The following DNAJC15 variants were observed in gnomAD, a reference collection of about 807,000 sequenced individuals.
DNAJC15 encodes the protein dnaJ homolog subfamily C member 15.
DNAJC15 carries 27 observed loss-of-function variants against 22.4 expected under a neutral mutation model. The ratio of observed to expected loss-of-function variants is 1.20; its 90% CI spans 0.89 to 1.66. The LOEUF (loss-of-function observed/expected upper bound fraction) is 1.66. Ranked by LOEUF, DNAJC15 falls within the 40% of genes most tolerant of loss-of-function variation. The pLI is 0.00. For synonymous variants in DNAJC15, 79 were observed against 63.2 expected (o/e 1.25, Z -1.19); for missense variants, 208 against 187.1 (o/e 1.11, Z -0.65).
intron 5 of DNAJC15, among the ~76,000 whole-genome samples, chr13:43,087,347 A>T (rs2040693523): frequency 6.6e-6 from 1 of 152,200 alleles, no homozygotes; most frequent in Non-Finnish European, 1.5e-5. Flanking sequence ...CTCTAGTAAA[A>T]GTGTAGTGAT....
chr13:43,075,715 T>C (rs999242407), intron 3 of DNAJC15, among the ~76,000 whole-genome samples: 1 of 152,114 alleles, frequency 6.6e-6, no homozygotes, highest in Non-Finnish European at 1.5e-5. Context: ...CAGGCTGGAG[T>C]GCAGCTGTGC....
Position 43,109,995 on chromosome 13 carries a change from TTAA to T in DNAJC15, c.*2753_*2755del, listed in dbSNP as rs1284860843. On this transcript the variant is annotated 3_prime_UTR_variant, in exon 6 of 6. Coordinates refer to ENST00000379221, the MANE Select transcript of DNAJC15 (RefSeq NM_013238.3). ...CTGCCTCATTTAATTAGTTTTATCT[TTAA>T]TAATACCTTGGATTCAGGGTAAAGT... 6.6e-6 allele frequency: 1 copy of T among 152,234 alleles called. No individual in the cohort carries two copies. Among genetic ancestry groups the T allele is most frequent in the Non-Finnish European group, 1.5e-5 (1 of 68,046 alleles). 9.4% of individuals were successfully genotyped at this position (152,234 alleles called of 1,614,324 possible).
chr13:43,082,810 C>T (rs916082241), intron 4 of DNAJC15, among the ~76,000 whole-genome samples: 5 of 150,764 alleles, frequency 3.3e-5, no homozygotes, highest in African/African-American at 7.3e-5. Context: ...CATATATCTT[C>T]TAAAAAAATA....
At chr13:43,071,766 G>T (rs943245890) in intron 3 of DNAJC15, among the ~76,000 whole-genome samples, 1 of 152,116 alleles carries the variant, frequency 6.6e-6, no homozygotes, top group South Asian at 2.1e-4. Flanking sequence ...TCAACGGGGG[G>T]TCTCTTTTCC....
intron 3 of DNAJC15, among the ~76,000 whole-genome samples, chr13:43,070,431 C>T (rs1012316370): frequency 7.3e-5 from 11 of 150,796 alleles, no homozygotes; most frequent in African/African-American, 2.7e-4. Flanking sequence ...TAGGAGCTTA[C>T]ATGTTAGTGG....
intron 5 of DNAJC15, among the ~76,000 whole-genome samples, chr13:43,099,108 C>T (rs1028944031): frequency 6.6e-6 from 1 of 151,878 alleles, no homozygotes; most frequent in Non-Finnish European, 1.5e-5. Context: ...GAGTTTTGGA[C>T]TTCTTTTGTT....
chr13:43,040,814 G>A (rs1382821143), intron 1 of DNAJC15, among the ~76,000 whole-genome samples: 1 of 152,158 alleles, frequency 6.6e-6, no homozygotes, highest in Non-Finnish European at 1.5e-5. Context: ...AAAGGTCTCT[G>A]CATCATAGAC....
chr13:43,101,591 CAAA>C (rs1432908931), intron 5 of DNAJC15, among the ~76,000 whole-genome samples: 3 of 152,226 alleles, frequency 2.0e-5, no homozygotes, highest in Admixed American at 2.0e-4. Flanking sequence ...CCTAAGTCTC[CAAA>C]GTCCATTATA....
intron 1 of DNAJC15, among the ~76,000 whole-genome samples, chr13:43,050,100 A>G (rs2040495869): frequency 6.6e-6 from 1 of 151,954 alleles, no homozygotes; most frequent in Non-Finnish European, 1.5e-5. Flanking sequence ...TTGTATTTTT[A>G]GTAGAGACGG....
In DNAJC15 at chr13:43,068,937, C is replaced by T. The variant is rs148028737; in HGVS notation, c.168C>T (p.Tyr56=). The T allele has an allele frequency of 3.0e-4, 491 of 1,612,264 alleles. No homozygotes were observed. Among genetic ancestry groups the T allele is most frequent in the Middle Eastern group, 5.0e-4 (3 of 6,052 alleles). ...GVAALAFAGR[Y]AFRIWKPLEQ... The stretch of plus-strand genomic sequence containing the variant: ...ATTCCCTTTACTATTTAGGTCGCTA[C>T]GCATTTCGGATCTGGAAACCTCTAG... The change falls in exon 3 of 6, where the codon TAC becomes TAT. Residue 56 remains tyrosine (Y), a synonymous_variant. Coordinates refer to ENST00000379221, the MANE Select transcript of DNAJC15 (RefSeq NM_013238.3).
chr13:43,092,428 T>C (rs1393168134), intron 5 of DNAJC15, among the ~76,000 whole-genome samples: 1 of 152,046 alleles, frequency 6.6e-6, no homozygotes, highest in Admixed American at 6.5e-5. Flanking sequence ...TTTTAGACTT[T>C]TAATGTAACT....
intron 5 of DNAJC15, among the ~76,000 whole-genome samples, chr13:43,095,585 TAGG>T (rs2040735903): frequency 6.6e-6 from 1 of 151,474 alleles, no homozygotes. Flanking sequence ...GGATAAGAAA[TAGG>T]AGGAAAAAAC....
At chr13:43,062,593 A>G (rs2040564096) in intron 1 of DNAJC15, among the ~76,000 whole-genome samples, 1 of 152,252 alleles carries the variant, frequency 6.6e-6, no homozygotes, top group Admixed American at 6.5e-5. Context: ...TTTCTTATAT[A>G]CAAAACTTGA....
intron 2 of DNAJC15, among the ~76,000 whole-genome samples, chr13:43,067,928 A>C (rs1197783400): frequency 2.0e-5 from 3 of 152,112 alleles, no homozygotes; most frequent in Admixed American, 2.0e-4. Context: ...ACTTTATTTA[A>C]TGTTCTCCTT....
chr13:43,108,172 G>A lies in DNAJC15; in HGVS notation c.*924G>A, dbSNP rs2040807399. ...GAATGTGTTAAACACTGCATGAGAG[G>A]AGGAATAAGTGGCATAGAGCTAGGC... On this transcript the variant is annotated 3_prime_UTR_variant, in exon 6 of 6. Transcript: ENST00000379221. The A allele has an allele frequency of 2.0e-5, 3 of 152,394 alleles. No individual in the cohort carries two copies. In the South Asian group the frequency reaches 6.2e-4, roughly 32 times the overall value. 9.4% of individuals were successfully genotyped at this position (152,394 alleles called of 1,614,324 possible). A position where few individuals can be genotyped will look rare whatever the true frequency, so the allele number is the denominator to read the frequency against.
At chr13:43,050,950 C>G (rs534832552) in intron 1 of DNAJC15, among the ~76,000 whole-genome samples, 1 of 152,006 alleles carries the variant, frequency 6.6e-6, no homozygotes, top group Non-Finnish European at 1.5e-5. Context: ...ATTTGGGTTT[C>G]TTTTTGTTGT....
intron 5 of DNAJC15, among the ~76,000 whole-genome samples, chr13:43,087,234 C>A (rs1036553577): frequency 7.2e-5 from 11 of 152,022 alleles, no homozygotes; most frequent in African/African-American, 2.7e-4. Context: ...GACTTTTTTT[C>A]CATATAACTG....
chr13:43,081,423 T>C (rs914428827), intron 4 of DNAJC15, among the ~76,000 whole-genome samples: 4 of 151,666 alleles, frequency 2.6e-5, no homozygotes, highest in South Asian at 2.1e-4. Context: ...TTGTGTATTA[T>C]ATGAAATGAT....
intron 1 of DNAJC15, among the ~76,000 whole-genome samples, chr13:43,059,495 G>A (rs1336013301): frequency 1.3e-5 from 2 of 152,094 alleles, no homozygotes; most frequent in Non-Finnish European, 2.9e-5. Context: ...CTCCCGAGTA[G>A]CTGGGATTAC....
Sources: allele counts gnomAD v4.1 joint callset (sites outside exome capture counted in the v4.1 genomes callset), GRCh38; gene constraint gnomAD v4.1.1; transcripts MANE v1.5; gene names NCBI Gene and HGNC (gene_info 2026-07-23, HGNC 2026-07-21).